KCNT2: variants seen among roughly 807,000 people sequenced by gnomAD.
The protein encoded by KCNT2 is potassium channel subfamily T member 2.
KCNT2 carries 67 observed loss-of-function variants against 153.8 expected under a neutral mutation model. That is an observed-to-expected ratio of 0.44 (90% CI 0.36 to 0.53). The LOEUF is 0.53. Ranked by LOEUF, KCNT2 falls within the 20% of genes least tolerant of loss-of-function variation. The probability of loss-of-function intolerance (pLI) is 0.00; values close to 1 mark genes in which losing one functional copy is unlikely to be tolerated. For missense variants in KCNT2, 975 were observed against 1,354.8 expected (o/e 0.72, Z 4.40); for synonymous variants, 500 against 458.8 (o/e 1.09, Z -1.15).
intron 22 of KCNT2, among the ~76,000 whole-genome samples, chr1:196,301,081 C>G (rs1037466568): frequency 6.6e-6 from 1 of 152,120 alleles, no homozygotes; most frequent in African/African-American, 2.4e-5. Flanking sequence ...TAACTAAGCT[C>G]ACATCACAGG....
At chr1:196,382,280 T>C (rs1441236578) in intron 13 of KCNT2, among the ~76,000 whole-genome samples, 6 of 151,436 alleles carry the variant, frequency 4.0e-5, no homozygotes, top group Non-Finnish European at 8.8e-5. Context: ...TATTTTTTTT[T>C]GTATTTTTAG....
rs1671464810 is a variant in KCNT2, at chr1:196,402,118, T to C, written c.1186-3447A>G. ...AAGGACTTTTTAAAATAAAGAAATG[T>C]ACTTTCCTTATTCTAAAATAAGGAA... On this transcript the variant is annotated intron_variant, in intron 12 of 27. Transcript: ENST00000294725. Among the ~76,000 whole-genome samples the C allele has an allele frequency of 2.6e-5, 4 of 151,506 alleles. No homozygotes were observed. In the South Asian group the frequency reaches 8.3e-4, roughly 31 times the overall value.
intron 14 of KCNT2, among the ~76,000 whole-genome samples, chr1:196,359,732 T>C (rs1050323667): frequency 6.6e-6 from 1 of 151,830 alleles, no homozygotes; most frequent in African/African-American, 2.4e-5. Context: ...TTAAAAATAT[T>C]CATGAAGAGA....
At chr1:196,293,519 T>C (rs1660390361) in intron 22 of KCNT2, among the ~76,000 whole-genome samples, 1 of 152,152 alleles carries the variant, frequency 6.6e-6, no homozygotes, top group African/African-American at 2.4e-5. Context: ...GGCCTATTGA[T>C]TTTTTTAACA....
chr1:196,423,836 T>TAA (rs1160121894), intron 11 of KCNT2, among the ~76,000 whole-genome samples: 1 of 151,868 alleles, frequency 6.6e-6, no homozygotes, highest in Non-Finnish European at 1.5e-5. Context: ...GTTATTAAGA[T>TAA]AATATGAGTG....
intron 25 of KCNT2, among the ~76,000 whole-genome samples, chr1:196,276,031 G>T (rs1368115396): frequency 6.6e-6 from 1 of 151,638 alleles, no homozygotes; most frequent in Non-Finnish European, 1.5e-5. Flanking sequence ...TCTTTTAGTT[G>T]GTTATGTTGT....
At chr1:196,234,208 T>C (rs1463667877) in intron 27 of KCNT2, among the ~76,000 whole-genome samples, 1 of 151,238 alleles carries the variant, frequency 6.6e-6, no homozygotes, top group Non-Finnish European at 1.5e-5. Context: ...ACTTAATTAA[T>C]TAGAAAGTCA....
chr1:196,428,874 C>A (rs764201729), intron 9 of KCNT2, among the ~76,000 whole-genome samples: 2 of 152,124 alleles, frequency 1.3e-5, no homozygotes, highest in African/African-American at 2.4e-5. Context: ...CACACATGGG[C>A]AGCCAGGGCT....
At chr1:196,526,681 C>T (rs1038079833) in intron 1 of KCNT2, among the ~76,000 whole-genome samples, 2 of 151,966 alleles carry the variant, frequency 1.3e-5, no homozygotes, top group African/African-American at 4.8e-5. Context: ...TCAATCTCCT[C>T]ACCTCGTGAT....
intron 26 of KCNT2, chr1:196,257,444 T>G: frequency 1.0e-6 from 1 of 974,868 alleles, no homozygotes; most frequent in Non-Finnish European, 1.2e-6. Flanking sequence ...CCTATCTGAG[T>G]TCCTGGTTTA....
chr1:196,458,800 G>T (rs1464621951), intron 8 of KCNT2, among the ~76,000 whole-genome samples: 1 of 151,808 alleles, frequency 6.6e-6, no homozygotes, highest in Non-Finnish European at 1.5e-5. Flanking sequence ...AAGTCACATG[G>T]CAGGAATAAA....
rs750693818 is a variant in KCNT2, at chr1:196,236,074, G to A, written c.3212-4C>T. ...CTTTGATGATCATTCATTTCATCTA[G>A]AAGATAAATAAATGCCAAGTTTGTT... On this transcript the variant is annotated splice_region_variant and splice_polypyrimidine_tract_variant and intron_variant, in intron 26 of 27. Coordinates refer to ENST00000294725, the MANE Select transcript of KCNT2 (RefSeq NM_198503.5). The A allele has an allele frequency of 1.1e-5, 17 of 1,543,182 alleles. No individual in the cohort carries two copies.
chr1:196,436,946 A>G (rs1454557258), intron 8 of KCNT2, among the ~76,000 whole-genome samples: 5 of 140,318 alleles, frequency 3.6e-5, no homozygotes, highest in Admixed American at 7.8e-5. Context: ...ATTTTAGTAA[A>G]CATTTTGGTA....
At chr1:196,323,341 C>A (rs866327599) in intron 19 of KCNT2, among the ~76,000 whole-genome samples, 1 of 151,868 alleles carries the variant, frequency 6.6e-6, no homozygotes, top group African/African-American at 2.4e-5. Flanking sequence ...CCTTATGTAG[C>A]TTTGGATAAT....
At chr1:196,535,261 A>AT (rs2148858042) in intron 1 of KCNT2, among the ~76,000 whole-genome samples, 1 of 152,234 alleles carries the variant, frequency 6.6e-6, no homozygotes, top group South Asian at 2.1e-4. Context: ...ACACCATCTC[A>AT]TTTTGTCTTT....
At chr1:196,380,339 T>C (rs1460903044) in intron 13 of KCNT2, among the ~76,000 whole-genome samples, 2 of 152,218 alleles carry the variant, frequency 1.3e-5, no homozygotes, top group East Asian at 3.8e-4. Flanking sequence ...ACAATTGAGA[T>C]GCAAATGCAT....
chr1:196,557,935 A>T (rs1389689849), intron 1 of KCNT2, among the ~76,000 whole-genome samples: 1 of 151,402 alleles, frequency 6.6e-6, no homozygotes, highest in African/African-American at 2.4e-5. Context: ...AATACTAAGA[A>T]AAAGCAATGA....
chr1:196,315,132 T>A (rs1005021997), intron 21 of KCNT2, among the ~76,000 whole-genome samples: 1 of 151,716 alleles, frequency 6.6e-6, no homozygotes, highest in African/African-American at 2.4e-5. Context: ...GATGAGAAAG[T>A]TGAGATTGTT....
At chr1:196,231,997 C>T (rs759439275) in intron 27 of KCNT2, among the ~76,000 whole-genome samples, 2 of 151,672 alleles carry the variant, frequency 1.3e-5, no homozygotes, top group Admixed American at 6.6e-5. Flanking sequence ...AAAGTGAGAA[C>T]GCTAATAAAG....
Sources: allele counts gnomAD v4.1 joint callset (sites outside exome capture counted in the v4.1 genomes callset), GRCh38; gene constraint gnomAD v4.1.1; transcripts MANE v1.5; gene names NCBI Gene and HGNC (gene_info 2026-07-23, HGNC 2026-07-21).